MAP3K5: variants seen among roughly 807,000 people sequenced by gnomAD.
MAP3K5 encodes mitogen-activated protein kinase kinase kinase 5, also known as ASK-1.
In MAP3K5, 56 loss-of-function variants were observed where a neutral mutation model predicts 158.7. The observed-to-expected ratio is 0.35, with a 90% CI of 0.28 to 0.44. MAP3K5 has a LOEUF of 0.44. Ranked by LOEUF, MAP3K5 falls within the 20% of genes least tolerant of loss-of-function variation. The pLI, the probability that MAP3K5 is intolerant of heterozygous loss-of-function variation, is 1.00. For missense variants in MAP3K5, 1,294 were observed against 1,674.8 expected, an observed-to-expected ratio of 0.77 and a Z score of 3.97; for synonymous variants, 579 against 601.7, an observed-to-expected ratio of 0.96 and a Z score of 0.55.
intron 12 of MAP3K5, among the ~76,000 whole-genome samples, chr6:136,640,770 G>A (rs1777890204): frequency 6.6e-6 from 1 of 152,206 alleles, no homozygotes; most frequent in East Asian, 1.9e-4. Context: ...AACTCGAGCT[G>A]TGCAAGTTCT....
intron 21 of MAP3K5, among the ~76,000 whole-genome samples, chr6:136,595,263 A>T (rs1031573685): frequency 4.6e-5 from 7 of 152,166 alleles, no homozygotes; most frequent in Admixed American, 6.5e-5. Context: ...GATTACAGGC[A>T]TGTGCCACCA....
chr6:136,759,454 CTATATATATATA>C (rs570186848), intron 1 of MAP3K5, among the ~76,000 whole-genome samples: 6 of 98,114 alleles, frequency 6.1e-5, no homozygotes, highest in East Asian at 6.5e-4. Context: ...TATACTAAAA[CTATATATATATA>C]TATATATATA....
At chr6:136,651,903 TG>T (rs1413984597) in intron 10 of MAP3K5, among the ~76,000 whole-genome samples, 1 of 152,140 alleles carries the variant, frequency 6.6e-6, no homozygotes, top group Non-Finnish European at 1.5e-5. Context: ...ATTATCTACT[TG>T]TATAGATGCT....
At chr6:136,788,666 T>C (rs917049100) in intron 1 of MAP3K5, among the ~76,000 whole-genome samples, 5 of 152,154 alleles carry the variant, frequency 3.3e-5, no homozygotes, top group Non-Finnish European at 5.9e-5. Flanking sequence ...TCATCACTAA[T>C]CATCAGAGAA....
chr6:136,614,063 C>G, intron 16 of MAP3K5, 96 bp downstream of exon 16: 1 of 1,364,706 alleles, frequency 7.3e-7, no homozygotes, highest in Non-Finnish European at 9.9e-7. Context: ...TCAGTTTAGA[C>G]AGATTAAGAC....
intron 1 of MAP3K5, among the ~76,000 whole-genome samples, chr6:136,722,965 G>C (rs1027589768): frequency 6.6e-6 from 1 of 151,878 alleles, no homozygotes; most frequent in African/African-American, 2.4e-5. Flanking sequence ...TGGGATTACA[G>C]GCATGAGCCA....
chr6:136,592,345 AG>A lies in MAP3K5; in HGVS notation c.3057-5del. 6.3e-7 allele frequency: 1 copy of A among 1,589,056 alleles called. No individual in the cohort carries two copies. Among genetic ancestry groups the A allele is most frequent in the Non-Finnish European group, 8.6e-7 (1 of 1,166,978 alleles). ...TTCAAAATTCTCATCTGGAATGCTG[AG>A]AAAATTTATGCAGCATAAATCACAG... On this transcript the variant is annotated splice_polypyrimidine_tract_variant and splice_region_variant and intron_variant, in intron 22 of 29. Transcript: ENST00000359015.
At chr6:136,648,817 C>T (rs556204004) in intron 11 of MAP3K5, among the ~76,000 whole-genome samples, 19 of 152,254 alleles carry the variant, frequency 1.2e-4, no homozygotes, top group Middle Eastern at 3.4e-3. Flanking sequence ...CATCAAAGCA[C>T]GGGACATTCT....
At chr6:136,659,660 G>C (rs6914406) in intron 8 of MAP3K5, among the ~76,000 whole-genome samples, 1 of 152,112 alleles carries the variant, frequency 6.6e-6, no homozygotes. Flanking sequence ...AGAGGTACCT[G>C]TAACAGTCAA....
chr6:136,583,727 G>T lies in MAP3K5; in HGVS notation c.3239C>A (p.Pro1080Gln). 6.2e-7 allele frequency: 1 copy of T among 1,613,730 alleles called. No individual in the cohort carries two copies. The stretch of plus-strand genomic sequence containing the variant: ...TGTGATGTGTTCCCATTTTAGTTTC[G>T]GTTCTTCAGCCCCCTGTGAATAAAA... ...MESLAQGAEEPKLKWEHITTL... is the reference protein window; with the variant it reads ...MESLAQGAEEQKLKWEHITTL... Residue 1080 changes from proline (P) to glutamine (Q), a missense_variant, in exon 24 of 30, where the codon CCG becomes CAG. By Grantham distance (76) the Pro-to-Gln change is moderately conservative. Around this residue, in one of 5 missense-constraint regions of MAP3K5, gnomAD observed 362 missense variants for 463.2 expected, o/e 0.78. Transcript: ENST00000359015.
intron 19 of MAP3K5, among the ~76,000 whole-genome samples, chr6:136,602,542 A>G (rs1562538191): frequency 6.6e-6 from 1 of 152,058 alleles, no homozygotes; most frequent in Non-Finnish European, 1.5e-5. Context: ...GGGCTCAAGC[A>G]ATCCACCCAC....
chr6:136,679,676 C>T (rs773309923), intron 7 of MAP3K5, among the ~76,000 whole-genome samples: 14 of 152,234 alleles, frequency 9.2e-5, no homozygotes, highest in Admixed American at 5.2e-4. Flanking sequence ...CCTTTTACCA[C>T]GCACATATTT....
rs9399190 is a variant in MAP3K5 at position 136,613,976 on chromosome 6, A to G, written c.2278+183T>C. On this transcript the variant is annotated intron_variant, in intron 16 of 29. Transcript: ENST00000359015. This position sits in a 1 kb window ranked among gnomAD's most constrained non-coding sequence, Gnocchi z 4.0. ...ACTGGAATAAACTCTATACATTAGG[A>G]TATTTTCTAAATCTCATCATTTATG... Among the ~76,000 whole-genome samples, 8,809 of 152,160 alleles carry G rather than the reference A, an allele frequency of 0.058. 562 individuals carry two copies. Among genetic ancestry groups the G allele is most frequent in the African/African-American group, 0.15 (6,050 of 41,478 alleles).
chr6:136,643,864 T>C (rs1778111574), intron 11 of MAP3K5, among the ~76,000 whole-genome samples: 1 of 152,152 alleles, frequency 6.6e-6, no homozygotes, highest in Non-Finnish European at 1.5e-5. Context: ...ATTTGGAAAG[T>C]TGCTTCTAAA....
intron 25 of MAP3K5, 50 bp from the exon 26 acceptor site, chr6:136,567,924 C>T (rs757110041): frequency 6.4e-7 from 1 of 1,572,146 alleles, no homozygotes; most frequent in Non-Finnish European, 8.6e-7. Context: ...GACTCATTGC[C>T]TTAATTTCTT....
chr6:136,790,004 T>G (rs746140348), intron 1 of MAP3K5, among the ~76,000 whole-genome samples: 2 of 152,114 alleles, frequency 1.3e-5, no homozygotes, highest in African/African-American at 4.8e-5. Flanking sequence ...AGCACAACCT[T>G]TTAGGGTCAG....
intron 1 of MAP3K5, among the ~76,000 whole-genome samples, chr6:136,748,441 T>TA (rs1258850976): frequency 1.3e-5 from 2 of 152,278 alleles, no homozygotes; most frequent in East Asian, 3.9e-4. Context: ...ATAAATGGGT[T>TA]AAAATCCCCC....
intron 1 of MAP3K5, among the ~76,000 whole-genome samples, chr6:136,782,061 A>G (rs1369839396): frequency 1.3e-5 from 2 of 151,982 alleles, no homozygotes; most frequent in African/African-American, 2.4e-5. Flanking sequence ...ACTGGAAAAA[A>G]AAAAAAAAAA....
rs367828543 is a variant in MAP3K5, at chr6:136,778,823, A to G, written c.448+12887T>C. The stretch of plus-strand genomic sequence containing the variant: ...TCTCAGTTTTTGTTTCCCCAAACAA[A>G]AAAACTGATCGACTGATGCTATCTG... On this transcript the variant is annotated intron_variant, in intron 1 of 29. Transcript: ENST00000359015. Among the ~76,000 whole-genome samples the G allele has an allele frequency of 2.3e-4, 35 of 152,308 alleles. 2 individuals carry two copies. The highest frequency in any genetic ancestry group is 9.8e-4 in the Admixed American group (15 of 15,296).
Sources: allele counts gnomAD v4.1 joint callset (sites outside exome capture counted in the v4.1 genomes callset), GRCh38; gene constraint gnomAD v4.1.1; regional missense constraint gnomAD v4.1.1; non-coding constraint Gnocchi (gnomAD v3.1); transcripts MANE v1.5; gene names NCBI Gene and HGNC (gene_info 2026-07-23, HGNC 2026-07-21).